Variants in TLL2 observed in about 807,000 individuals in gnomAD.
TLL2 encodes tolloid like 2.
In TLL2, 106 loss-of-function variants were observed where a neutral mutation model predicts 123.0. The ratio of observed to expected loss-of-function variants is 0.86; its 90% CI spans 0.74 to 1.01. TLL2 has a LOEUF of 1.01. Among genes scored for constraint, TLL2 ranks in the 50% least tolerant of loss-of-function variants. TLL2 has a pLI of 0.00. For synonymous variants in TLL2, 494 were observed against 516.8 expected (o/e 0.96, Z 0.60); for missense variants, 1,332 against 1,336.7 (o/e 1.00, Z 0.06).
At chr10:96,457,603 G>A (rs566272197) in intron 2 of TLL2, among the ~76,000 whole-genome samples, 5 of 152,278 alleles carry the variant, frequency 3.3e-5, no homozygotes, top group East Asian at 3.9e-4. Context: ...GGGGCCTCTC[G>A]TTCATGCAGA....
chr10:96,438,947 G>A (rs753467975), intron 3 of TLL2, among the ~76,000 whole-genome samples: 84 of 151,862 alleles, frequency 5.5e-4, no homozygotes, highest in Middle Eastern at 3.4e-3. Flanking sequence ...TTGATTTAGC[G>A]GGTTCTATAG....
rs79617330 is a variant in TLL2, at chr10:96,494,482, C to A, written c.176-14023G>T. Among the ~76,000 whole-genome samples, 619 of 152,274 alleles carry A rather than the reference C, an allele frequency of 4.1e-3. 4 individuals carry two copies. Among genetic ancestry groups the A allele is most frequent in the African/African-American group, 0.014 (589 of 41,548 alleles). The stretch of plus-strand genomic sequence containing the variant: ...AACCAACAAACACCCGGGTTTTATC[C>A]GAGGAGAGTGGCCTGCAGGCCCACC... On this transcript the variant is annotated intron_variant, in intron 1 of 20. Transcript: ENST00000357947.
rs1364245880 is a variant in TLL2 at position 96,378,130 on chromosome 10, C to T, written c.2320+837G>A. Among the ~76,000 whole-genome samples the T allele has an allele frequency of 2.0e-5, 3 of 152,266 alleles. No individual in the cohort carries two copies. In the East Asian group the frequency reaches 5.8e-4, roughly 29 times the overall value. On this transcript the variant is annotated intron_variant, in intron 17 of 20. Transcript: ENST00000357947. ...ACCTCCTCCTGAAGATGTGTCAGCG[C>T]CTCCTTTAACATTCTAGGCAGATCC...
At position 96,414,439 on chromosome 10, in the gene TLL2, C is replaced by T. The variant is rs547566732; in HGVS notation, c.924-1123G>A. On this transcript the variant is annotated intron_variant, in intron 7 of 20. Transcript: ENST00000357947. ...CTGCCCTCTCTCCAGCACTGACCTCCGATGCCCTCCTCCCTCCTCACTGTC... is the reference window on the plus strand; with the variant it reads ...CTGCCCTCTCTCCAGCACTGACCTCTGATGCCCTCCTCCCTCCTCACTGTC... Among the ~76,000 whole-genome samples, 12 of 152,222 alleles carry T rather than the reference C, an allele frequency of 7.9e-5. No homozygotes were observed. The South Asian group carries it at 2.1e-3, about 26-fold the overall frequency.
rs193019094 is a variant in TLL2, at chr10:96,458,720, G to A, written c.287-12552C>T. 1.3e-4 allele frequency among the ~76,000 whole-genome samples: 19 copies of A among 150,292 alleles called. No individual in the cohort carries two copies. The East Asian group carries it at 1.4e-3, about 11-fold the overall frequency. ...CAGGAGGCAGAGGTTGCAGTAAGCCGAAATCGTGCCACTGCACTCCAGCCT... is the reference window on the plus strand; with the variant it reads ...CAGGAGGCAGAGGTTGCAGTAAGCCAAAATCGTGCCACTGCACTCCAGCCT... On this transcript the variant is annotated intron_variant, in intron 2 of 20. Transcript: ENST00000357947.
In TLL2 at chr10:96,408,929, C is replaced by T. The variant is rs1378268828; in HGVS notation, c.1164+1430G>A. On this transcript the variant is annotated intron_variant, in intron 9 of 20. Coordinates refer to ENST00000357947, the MANE Select transcript of TLL2 (RefSeq NM_012465.4). The stretch of plus-strand genomic sequence containing the variant: ...AAGTATGGCAACAGCACCTATTTCA[C>T]AAAGTTGATGAGAGGACTAAATTAG... Among the ~76,000 whole-genome samples, 3 of 152,172 alleles carry T rather than the reference C, an allele frequency of 2.0e-5. No homozygotes were observed. In the East Asian group the frequency reaches 5.8e-4, roughly 29 times the overall value.
At chr10:96,369,348 G>A (rs969929589) in intron 20 of TLL2, among the ~76,000 whole-genome samples, 1 of 152,228 alleles carries the variant, frequency 6.6e-6, no homozygotes, top group Non-Finnish European at 1.5e-5. Context: ...ACTATTGTGT[G>A]TATAGTAAGT....
In TLL2 at chr10:96,497,643, A is replaced by G. The variant is rs568813962; in HGVS notation, c.175+15868T>C. Among the ~76,000 whole-genome samples, 15 of 152,258 alleles carry G rather than the reference A, an allele frequency of 9.9e-5. No individual in the cohort carries two copies. The South Asian group carries it at 2.9e-3, about 29-fold the overall frequency. On this transcript the variant is annotated intron_variant, in intron 1 of 20. Transcript: ENST00000357947. ...CCTACCCAGTTCCAGCTCCAGTAGCACTGCTCCCTCCCCTGCCCCTCACCA... is the reference window on the plus strand; with the variant it reads ...CCTACCCAGTTCCAGCTCCAGTAGCGCTGCTCCCTCCCCTGCCCCTCACCA...
chr10:96,512,720 A>T (rs912879232), intron 1 of TLL2, among the ~76,000 whole-genome samples: 1 of 152,238 alleles, frequency 6.6e-6, no homozygotes, highest in African/African-American at 2.4e-5. Flanking sequence ...GCTTGCTGGA[A>T]CATGCGCTTG....
Position 96,510,141 on chromosome 10 carries a change from C to T in TLL2, c.175+3370G>A, listed in dbSNP as rs187458280. 6.5e-4 allele frequency among the ~76,000 whole-genome samples: 99 copies of T among 152,318 alleles called. 1 individual carries two copies. The highest frequency in any genetic ancestry group is 2.3e-3 in the African/African-American group (95 of 41,570). ...CAAGATAAGAACCTAGGCCTTCTGA[C>T]TTGAAATCAGCTTAAAACTTGTGGG... On this transcript the variant is annotated intron_variant, in intron 1 of 20. Coordinates refer to ENST00000357947, the MANE Select transcript of TLL2 (RefSeq NM_012465.4).
intron 5 of TLL2, 62 bp from the exon 6 acceptor site, chr10:96,422,789 T>TC (rs1253371668): frequency 1.3e-6 from 2 of 1,582,892 alleles, no homozygotes; most frequent in African/African-American, 1.3e-5. Context: ...AAGAGGCAAG[T>TC]CCCCCCTCCC....
chr10:96,450,507 G>C (rs1312483997), intron 2 of TLL2, among the ~76,000 whole-genome samples: 1 of 152,166 alleles, frequency 6.6e-6, no homozygotes, highest in African/African-American at 2.4e-5. Context: ...TTGCCACTCA[G>C]AGCACCCTGT....
intron 5 of TLL2, among the ~76,000 whole-genome samples, chr10:96,423,329 C>G (rs1225782372): frequency 1.3e-5 from 2 of 152,072 alleles, no homozygotes; most frequent in Admixed American, 1.3e-4. Flanking sequence ...CTCTACCCCT[C>G]CACCTGCAAG....
At chr10:96,475,258 G>A (rs577548364) in intron 2 of TLL2, among the ~76,000 whole-genome samples, 1 of 152,332 alleles carries the variant, frequency 6.6e-6, no homozygotes, top group East Asian at 1.9e-4. Flanking sequence ...GCTCCCTGCT[G>A]TGAATCCTAA....
At chr10:96,413,400 C>T (rs1259304047) in intron 7 of TLL2, 84 bp from the exon 8 acceptor site, 1 of 1,506,434 alleles carries the variant, frequency 6.6e-7, no homozygotes, top group Non-Finnish European at 8.9e-7. Flanking sequence ...CATTCCCTTG[C>T]CCATAACCCC....
At chr10:96,437,907 T>A (rs1232516466) in intron 3 of TLL2, among the ~76,000 whole-genome samples, 2 of 152,186 alleles carry the variant, frequency 1.3e-5, no homozygotes, top group Non-Finnish European at 2.9e-5. Flanking sequence ...CTGGGACACA[T>A]ATCAAAGAGG....
chr10:96,463,643 G>T (rs1396919088), intron 2 of TLL2, among the ~76,000 whole-genome samples: 2 of 152,196 alleles, frequency 1.3e-5, no homozygotes, highest in African/African-American at 4.8e-5. Context: ...GACACTGGGG[G>T]TGATCCTCAG....
chr10:96,495,934 G>A (rs1847470527), intron 1 of TLL2, among the ~76,000 whole-genome samples: 1 of 152,180 alleles, frequency 6.6e-6, no homozygotes, highest in Non-Finnish European at 1.5e-5. Flanking sequence ...TTTGGTGCAA[G>A]TTTTACATTG....
chr10:96,472,016 C>A (rs982002355), intron 2 of TLL2, among the ~76,000 whole-genome samples: 1 of 152,070 alleles, frequency 6.6e-6, no homozygotes, highest in Non-Finnish European at 1.5e-5. Flanking sequence ...AGAAAAGAGG[C>A]CACCAGGACC....
Sources: allele counts gnomAD v4.1 joint callset (sites outside exome capture counted in the v4.1 genomes callset), GRCh38; gene constraint gnomAD v4.1.1; transcripts MANE v1.5; gene names NCBI Gene and HGNC (gene_info 2026-07-23, HGNC 2026-07-21).